Variants in FAM120A observed in about 807,000 individuals in gnomAD.
The protein encoded by FAM120A is family with sequence similarity 120 member A, also known as constitutive coactivator of PPAR-gamma-like protein 1.
In FAM120A, 15 loss-of-function variants were observed where a neutral mutation model predicts 109.7. That is an observed-to-expected ratio of 0.14 (90% CI 0.09 to 0.21). FAM120A has a LOEUF of 0.21. FAM120A is among the 10% of genes least tolerant of loss of function. The pLI is 1.00. For missense variants in FAM120A, 899 were observed against 1,439.3 expected, an observed-to-expected ratio of 0.62 and a Z score of 6.07; for synonymous variants, 493 against 572.8, an observed-to-expected ratio of 0.86 and a Z score of 1.99.
chr9:93,553,112 C>A (rs1449326361), intron 12 of FAM120A, among the ~76,000 whole-genome samples: 1 of 152,186 alleles, frequency 6.6e-6, no homozygotes, highest in Non-Finnish European at 1.5e-5. Flanking sequence ...TCCTTAAATA[C>A]CTGTGACAGT....
rs1400495874 is a variant in FAM120A, at chr9:93,498,709, T to C, written c.934-81T>C. 1.2e-6 allele frequency: 1 copy of C among 827,314 alleles called. No individual in the cohort carries two copies. Among genetic ancestry groups the C allele is most frequent in the Admixed American group, 1.9e-5 (1 of 52,420 alleles). The allele number at this position is 827,314 out of a possible 1,614,324, so 51.2% of individuals were successfully genotyped here. On this transcript the variant is annotated intron_variant, in intron 4 of 17. Transcript: ENST00000277165. The surrounding 1 kb of genome is among the most constrained non-coding windows in gnomAD (Gnocchi z 4.4). ...TTGAAAAGCTGTAGAATATTATACA[T>C]GTGCTGAATTATAAAAAACATTGTG...
intron 1 of FAM120A, among the ~76,000 whole-genome samples, chr9:93,457,912 T>C (rs1487637621): frequency 6.6e-6 from 1 of 152,102 alleles, no homozygotes; most frequent in East Asian, 1.9e-4. Flanking sequence ...TTCCTGGGGT[T>C]ACTGCAATAT....
chr9:93,453,778 G>T (rs1014276975), intron 1 of FAM120A, among the ~76,000 whole-genome samples: 2 of 152,204 alleles, frequency 1.3e-5, no homozygotes, highest in Non-Finnish European at 2.9e-5. Flanking sequence ...GGCGCTCAGG[G>T]AAGTAAGGTG....
At chr9:93,479,333 C>T (rs868504547) in intron 3 of FAM120A, among the ~76,000 whole-genome samples, 2 of 151,890 alleles carry the variant, frequency 1.3e-5, no homozygotes, top group African/African-American at 2.4e-5. Flanking sequence ...CTCCTGACCT[C>T]GTGATCCGCC....
rs961710885 is a variant in FAM120A at position 93,500,101 on chromosome 9, C to T, written c.1030+1215C>T. Among the ~76,000 whole-genome samples, 1 of 152,244 alleles carries T rather than the reference C, an allele frequency of 6.6e-6. No individual in the cohort carries two copies. On this transcript the variant is annotated intron_variant, in intron 5 of 17. Coordinates refer to ENST00000277165, the MANE Select transcript of FAM120A (RefSeq NM_014612.5). The surrounding 1 kb of genome is among the most constrained non-coding windows in gnomAD (Gnocchi z 4.6). ...GAGGTCAGTAAATGGCAGCAGCCTCCCAGTGGGGCTCTTTGCTGCTCTCTT... is the reference window on the plus strand; with the variant it reads ...GAGGTCAGTAAATGGCAGCAGCCTCTCAGTGGGGCTCTTTGCTGCTCTCTT...
intron 1 of FAM120A, among the ~76,000 whole-genome samples, chr9:93,461,803 C>G (rs1279244659): frequency 2.6e-5 from 4 of 152,160 alleles, no homozygotes; most frequent in Non-Finnish European, 1.5e-5. Flanking sequence ...AAAGGAAATG[C>G]TCACTGGAGC....
intron 5 of FAM120A, among the ~76,000 whole-genome samples, chr9:93,508,460 T>A (rs775599967): frequency 6.6e-6 from 1 of 152,190 alleles, no homozygotes; most frequent in Admixed American, 6.5e-5. Flanking sequence ...GTCTGAGGGA[T>A]CACCTTCCTG....
chr9:93,534,022 C>T (rs1398988365), intron 10 of FAM120A, among the ~76,000 whole-genome samples: 2 of 152,246 alleles, frequency 1.3e-5, no homozygotes, highest in South Asian at 4.1e-4. Context: ...TTGGGCCATT[C>T]GGCATCATTG....
intron 3 of FAM120A, 56 bp downstream of exon 3, chr9:93,476,394 A>C: frequency 8.5e-7 from 1 of 1,178,512 alleles, no homozygotes; most frequent in Admixed American, 1.8e-5. Flanking sequence ...TGAGTTTGCT[A>C]TTACTTTAAT....
chr9:93,471,733 T>A lies in FAM120A; in HGVS notation c.721+346T>A, dbSNP rs1036825073. Among the ~76,000 whole-genome samples, 3 of 152,322 alleles carry A rather than the reference T, an allele frequency of 2.0e-5. No individual in the cohort carries two copies. The South Asian group carries it at 6.2e-4, about 32-fold the overall frequency. The stretch of plus-strand genomic sequence containing the variant: ...AGACATTTAAACCTTTGACATAAAT[T>A]ATGTTTATAGTAGAAGAAAATATGC... On this transcript the variant is annotated intron_variant, in intron 2 of 17. Transcript: ENST00000277165.
chr9:93,484,465 C>G (rs1383083539), intron 3 of FAM120A, among the ~76,000 whole-genome samples: 4 of 152,258 alleles, frequency 2.6e-5, no homozygotes, highest in East Asian at 3.9e-4. Context: ...TGAGTGGGAT[C>G]TGAAAGATAC....
At chr9:93,528,679 A>G (rs992770160) in intron 8 of FAM120A, among the ~76,000 whole-genome samples, 2 of 152,220 alleles carry the variant, frequency 1.3e-5, no homozygotes, top group Admixed American at 6.5e-5. Context: ...CATTATCCAT[A>G]GATCTGAGAC....
chr9:93,480,355 C>T (rs1368462460), intron 3 of FAM120A, among the ~76,000 whole-genome samples: 1 of 152,114 alleles, frequency 6.6e-6, no homozygotes, highest in Non-Finnish European at 1.5e-5. Flanking sequence ...CTCGGGAGAC[C>T]TGCTGTTGGG....
chr9:93,532,381 T>C lies in FAM120A; in HGVS notation c.1909+52T>C. The C allele has an allele frequency of 6.3e-7, 1 of 1,588,768 alleles. No homozygotes were observed. Among genetic ancestry groups the C allele is most frequent in the Non-Finnish European group, 8.6e-7 (1 of 1,157,540 alleles). ...GTTTTCCTCGGTACCTCGTAATCTCTTGTGCATTTTCTAAAGCCTTAGAAG... is the reference window on the plus strand; with the variant it reads ...GTTTTCCTCGGTACCTCGTAATCTCCTGTGCATTTTCTAAAGCCTTAGAAG... On this transcript the variant is annotated intron_variant, in intron 10 of 17. Coordinates refer to ENST00000277165, the MANE Select transcript of FAM120A (RefSeq NM_014612.5). The surrounding 1 kb of genome is among the most constrained non-coding windows in gnomAD (Gnocchi z 4.3).
intron 11 of FAM120A, among the ~76,000 whole-genome samples, chr9:93,545,986 A>G (rs1412354420): frequency 6.6e-6 from 1 of 151,518 alleles, no homozygotes; most frequent in Non-Finnish European, 1.5e-5. Context: ...GAGTTTTACC[A>G]TGTTGGTCAG....
At chr9:93,504,063 G>C (rs1376149341) in intron 5 of FAM120A, among the ~76,000 whole-genome samples, 1 of 152,130 alleles carries the variant, frequency 6.6e-6, no homozygotes, top group African/African-American at 2.4e-5. Context: ...AAAATGGCTG[G>C]TTCTGATTGA....
At chr9:93,467,797 G>A (rs1057139053) in intron 1 of FAM120A, among the ~76,000 whole-genome samples, 10 of 152,206 alleles carry the variant, frequency 6.6e-5, no homozygotes, top group Admixed American at 2.0e-4. Context: ...AGTGTTCTCA[G>A]TGAATAGGTA....
In FAM120A at chr9:93,473,022, A is replaced by ATT. The variant is rs111931341; in HGVS notation, c.721+1648_721+1649dup. Among the ~76,000 whole-genome samples, 330 of 146,552 alleles carry ATT rather than the reference A, an allele frequency of 2.3e-3. 7 individuals carry two copies. The South Asian group carries it at 0.033, about 14-fold the overall frequency. On this transcript the variant is annotated intron_variant, in intron 2 of 17. Coordinates refer to ENST00000277165, the MANE Select transcript of FAM120A (RefSeq NM_014612.5). ...TTCATCGTTAAGATATCTTTGGACA[A>ATT]TTTTTTTTTTTTTTAAATGGAGTCT...
chr9:93,562,139 T>C (rs1862490107), intron 16 of FAM120A, 69 bp from the exon 17 acceptor site: 9 of 1,248,578 alleles, frequency 7.2e-6, no homozygotes, highest in South Asian at 2.5e-5. Context: ...TTAAAATCAT[T>C]TGATACTATT....
Sources: gnomAD v4.1 joint callset for allele counts (sites outside exome capture counted in the v4.1 genomes callset) on GRCh38, gnomAD v4.1.1 for gene constraint, Gnocchi (gnomAD v3.1) non-coding constraint, MANE v1.5 for transcripts, NCBI Gene and HGNC (gene_info 2026-07-23, HGNC 2026-07-21) for gene names.